Variants in ERC2 observed in about 807,000 individuals in gnomAD.
The protein encoded by ERC2 is ELKS/RAB6-interacting/CAST family member 2, also known as ERC protein 2.
ERC2 carries 42 observed loss-of-function variants against 114.8 expected under a neutral mutation model. The ratio of observed to expected loss-of-function variants is 0.37; its 90% confidence interval spans 0.29 to 0.47. The LOEUF (loss-of-function observed/expected upper bound fraction) is 0.47, where lower values mean the gene tolerates loss of function less well. Among genes scored for constraint, ERC2 ranks in the 20% least tolerant of loss-of-function variants. The pLI, the probability that ERC2 is intolerant of heterozygous loss-of-function variation, is 0.99. For missense variants in ERC2, 939 were observed against 1,150.7 expected (o/e 0.82, Z 2.66); for synonymous variants, 454 against 425.5 (o/e 1.07, Z -0.82).
chr3:55,975,391 T>G (rs2069502894), intron 12 of ERC2, among the ~76,000 whole-genome samples: 1 of 152,190 alleles, frequency 6.6e-6, no homozygotes, highest in Non-Finnish European at 1.5e-5. Context: ...ATGCCTTTAT[T>G]TTCTTCCTGC....
chr3:56,225,409 C>T (rs924511259), intron 3 of ERC2, among the ~76,000 whole-genome samples: 4 of 152,190 alleles, frequency 2.6e-5, no homozygotes, highest in African/African-American at 9.7e-5. Context: ...TGTCTAAGCG[C>T]AGACAATAAT....
chr3:56,466,394 T>TA (rs1485024711), intron 1 of ERC2, among the ~76,000 whole-genome samples: 1 of 152,206 alleles, frequency 6.6e-6, no homozygotes, highest in Non-Finnish European at 1.5e-5. Flanking sequence ...CTTTCACTAG[T>TA]AGTGAGTTGA....
chr3:55,836,035 C>A (rs1270771830), intron 14 of ERC2, among the ~76,000 whole-genome samples: 1 of 150,688 alleles, frequency 6.6e-6, no homozygotes, highest in East Asian at 1.9e-4. Context: ...ACCTAGGACT[C>A]CAACTTACAA....
intron 16 of ERC2, among the ~76,000 whole-genome samples, chr3:55,696,681 T>C (rs1161614466): frequency 6.6e-6 from 1 of 152,242 alleles, no homozygotes; most frequent in Non-Finnish European, 1.5e-5. Flanking sequence ...TTCTGGGACT[T>C]AGATTTATAA....
chr3:56,000,527 A>C (rs2071954747), intron 10 of ERC2, among the ~76,000 whole-genome samples: 1 of 152,196 alleles, frequency 6.6e-6, no homozygotes, highest in Non-Finnish European at 1.5e-5. Flanking sequence ...CAAAAAGCTA[A>C]TAAATGTACT....
intron 3 of ERC2, among the ~76,000 whole-genome samples, chr3:56,247,243 T>A (rs1466866470): frequency 6.6e-6 from 1 of 152,200 alleles, no homozygotes; most frequent in Non-Finnish European, 1.5e-5. Flanking sequence ...GGATCCCAAC[T>A]CTTATGCAAT....
At chr3:56,126,820 G>C (rs2079897404) in intron 6 of ERC2, among the ~76,000 whole-genome samples, 2 of 147,396 alleles carry the variant, frequency 1.4e-5, no homozygotes, top group African/African-American at 2.6e-5. Flanking sequence ...GGAAAGGAAA[G>C]GAAAGGAAAG....
intron 14 of ERC2, among the ~76,000 whole-genome samples, chr3:55,864,015 C>T (rs1226609634): frequency 6.6e-6 from 1 of 150,420 alleles, no homozygotes; most frequent in African/African-American, 2.4e-5. Context: ...GTCATTATAG[C>T]AGGATGATAT....
chr3:55,817,321 G>A (rs1034828892), intron 14 of ERC2, among the ~76,000 whole-genome samples: 14 of 152,232 alleles, frequency 9.2e-5, no homozygotes, highest in African/African-American at 3.1e-4. Flanking sequence ...CACATCTAAC[G>A]TGCACAGGTT....
chr3:56,178,105 G>C (rs1234469922), intron 3 of ERC2, among the ~76,000 whole-genome samples: 1 of 152,146 alleles, frequency 6.6e-6, no homozygotes, highest in Non-Finnish European at 1.5e-5. Context: ...AATCTCAAGT[G>C]GTTCATCAGA....
At chr3:55,847,171 A>G (rs2061403310) in intron 14 of ERC2, among the ~76,000 whole-genome samples, 2 of 152,356 alleles carry the variant, frequency 1.3e-5, no homozygotes, top group African/African-American at 2.4e-5. Context: ...ATCAAAGGGG[A>G]AAATGAGGCA....
intron 14 of ERC2, among the ~76,000 whole-genome samples, chr3:55,834,245 C>A (rs1010290163): frequency 2.0e-5 from 3 of 152,164 alleles, no homozygotes; most frequent in African/African-American, 7.2e-5. Flanking sequence ...GAACTCAGCT[C>A]TGCACCAAGT....
At chr3:56,252,290 G>A (rs182725936) in intron 3 of ERC2, among the ~76,000 whole-genome samples, 278 of 152,074 alleles carry the variant, frequency 1.8e-3, no homozygotes, top group African/African-American at 6.2e-3. Context: ...ATCTCTATAC[G>A]TTTTATTGTT....
chr3:55,942,301 T>TTTTTTTTTTTTTTTTG lies in ERC2; in HGVS notation c.2403+8123_2403+8124insCAAAAAAAAAAAAAAA, dbSNP rs1559906638. Reference sequence around the variant, plus strand: ...TTTTTTTTTTTTTTTTTTTTTTTTTTTTGTTGAGACGGAGTCTCGCTCTGT... The same window carrying TTTTTTTTTTTTTTTTG: ...TTTTTTTTTTTTTTTTTTTTTTTTTTTTTTTTTTTTTTTTTGTTGTTGAGACGGAGTCTCGCTCTGT... On this transcript the variant is annotated intron_variant, in intron 13 of 17. Coordinates refer to ENST00000288221, the MANE Select transcript of ERC2 (RefSeq NM_015576.3). Among the ~76,000 whole-genome samples, 3 of 120,780 alleles carry TTTTTTTTTTTTTTTTG rather than the reference T, an allele frequency of 2.5e-5. 1 individual carries two copies. Among genetic ancestry groups the TTTTTTTTTTTTTTTTG allele is most frequent in the African/African-American group, 1.0e-4 (3 of 29,468 alleles). The allele number at this position is 120,780 out of a possible 152,430, so 79.2% of individuals were successfully genotyped here.
intron 2 of ERC2, among the ~76,000 whole-genome samples, chr3:56,430,763 T>G (rs1041282586): frequency 2.0e-5 from 3 of 152,324 alleles, no homozygotes; most frequent in African/African-American, 7.2e-5. Flanking sequence ...CACTCCAGCC[T>G]AGGTGACAGA....
intron 2 of ERC2, among the ~76,000 whole-genome samples, chr3:56,418,785 A>G (rs1045146347): frequency 8.5e-5 from 13 of 152,208 alleles, no homozygotes; most frequent in African/African-American, 3.1e-4. Flanking sequence ...TGAGAAAGGC[A>G]GGGGCTCAGG....
intron 17 of ERC2, among the ~76,000 whole-genome samples, chr3:55,591,588 T>TGC (rs1458184329): frequency 6.6e-6 from 1 of 151,476 alleles, no homozygotes; most frequent in African/African-American, 2.4e-5. Context: ...TGTGTGTGTG[T>TGC]GTGTGTGTGT....
chr3:55,715,016 G>A (rs1167872708), intron 15 of ERC2, among the ~76,000 whole-genome samples: 1 of 151,992 alleles, frequency 6.6e-6, no homozygotes, highest in African/African-American at 2.4e-5. Context: ...TTCTATTTTA[G>A]TGAACTACAA....
chr3:56,416,260 C>T (rs1327982032), intron 2 of ERC2, among the ~76,000 whole-genome samples: 1 of 152,150 alleles, frequency 6.6e-6, no homozygotes, highest in African/African-American at 2.4e-5. Flanking sequence ...TCTCTGACCA[C>T]CTCCTCCTGA....
Sources: gnomAD v4.1 joint callset for allele counts (sites outside exome capture counted in the v4.1 genomes callset) on GRCh38, gnomAD v4.1.1 for gene constraint, MANE v1.5 for transcripts, NCBI Gene and HGNC (gene_info 2026-07-23, HGNC 2026-07-21) for gene names.